PPP2R3A: variants seen among roughly 807,000 people sequenced by gnomAD.
The protein encoded by PPP2R3A is serine/threonine-protein phosphatase 2A regulatory subunit B'' subunit alpha.
A neutral mutation model predicts 106.9 loss-of-function variants in PPP2R3A; 80 were observed. The observed-to-expected ratio is 0.75, with a 90% CI of 0.62 to 0.90. The LOEUF is 0.90. Among genes scored for constraint, PPP2R3A ranks in the 40% least tolerant of loss-of-function variants. The pLI is 0.00. For missense variants in PPP2R3A, 1,386 were observed against 1,350.4 expected, an observed-to-expected ratio of 1.03 and a Z score of -0.41; for synonymous variants, 483 against 468.3, an observed-to-expected ratio of 1.03 and a Z score of -0.41.
chr3:136,042,500 A>T (rs1344932592), intron 4 of PPP2R3A, among the ~76,000 whole-genome samples: 1 of 152,230 alleles, frequency 6.6e-6, no homozygotes, highest in African/African-American at 2.4e-5. Flanking sequence ...ACTTAAAAAT[A>T]AAAAAATTTT....
rs1175049786 is a variant in PPP2R3A at position 136,145,225 on chromosome 3, A to G, written c.*59A>G. On this transcript the variant is annotated 3_prime_UTR_variant, in exon 14 of 14. Transcript: ENST00000264977. ...TTTTAAATGTTTCTTTCTTGTGAAG[A>G]GATGTTCTCGTTTGCATACTGCTTT... 6.4e-7 allele frequency: 1 copy of G among 1,551,590 alleles called. No homozygotes were observed. Among genetic ancestry groups the G allele is most frequent in the African/African-American group, 1.4e-5 (1 of 72,456 alleles).
At chr3:136,091,807 A>C (rs1937099261) in intron 10 of PPP2R3A, among the ~76,000 whole-genome samples, 1 of 152,188 alleles carries the variant, frequency 6.6e-6, no homozygotes. Flanking sequence ...CCCAGAAAAA[A>C]ATATTAAAAG....
At chr3:136,036,412 C>A (rs569704697) in intron 3 of PPP2R3A, among the ~76,000 whole-genome samples, 35 of 152,202 alleles carry the variant, frequency 2.3e-4, no homozygotes, top group Admixed American at 2.3e-3. Flanking sequence ...ACAGGGTGTT[C>A]CCTTGATTTA....
chr3:136,106,305 A>G lies in PPP2R3A; in HGVS notation c.3312A>G (p.Gln1104=). The G allele has an allele frequency of 2.5e-6, 4 of 1,614,068 alleles. No homozygotes were observed. The highest frequency in any genetic ancestry group is 3.4e-6 in the Non-Finnish European group (4 of 1,179,944). The change falls in exon 13 of 14, where the codon CAA becomes CAG. Residue 1104 remains glutamine, a synonymous_variant. Coordinates refer to ENST00000264977, the MANE Select transcript of PPP2R3A (RefSeq NM_002718.5). ...CGCTTGTTGCAGAGGAATCTGCCCA[A>G]GCACAATTCCAGGAAGGGTGAGTAA... is the stretch of plus-strand genomic sequence containing the variant. ...YETLVAEESA[Q]AQFQEGFEDY...
chr3:136,010,372 T>C (rs1934014940), intron 2 of PPP2R3A, among the ~76,000 whole-genome samples: 1 of 138,166 alleles, frequency 7.2e-6, no homozygotes, highest in Non-Finnish European at 1.5e-5. Context: ...TGCCTCAGCC[T>C]CCCGAGCAGC....
At chr3:135,966,741 T>G (rs936483943) in intron 1 of PPP2R3A, among the ~76,000 whole-genome samples, 12 of 152,294 alleles carry the variant, frequency 7.9e-5, no homozygotes, top group African/African-American at 2.9e-4. Context: ...CCTGAAAACA[T>G]TAAATTCTTA....
intron 13 of PPP2R3A, among the ~76,000 whole-genome samples, chr3:136,110,876 A>G (rs1393523231): frequency 6.6e-6 from 1 of 152,242 alleles, no homozygotes; most frequent in Admixed American, 6.5e-5. Context: ...TACGAAAGAT[A>G]GGAAAGGTCT....
At chr3:136,108,453 G>GA (rs1202147596) in intron 13 of PPP2R3A, among the ~76,000 whole-genome samples, 1 of 152,070 alleles carries the variant, frequency 6.6e-6, no homozygotes, top group African/African-American at 2.4e-5. Context: ...GTATCCAAAA[G>GA]AAAATTAGGT....
chr3:136,049,836 A>G (rs900394484), intron 5 of PPP2R3A, among the ~76,000 whole-genome samples: 6 of 152,230 alleles, frequency 3.9e-5, no homozygotes, highest in Admixed American at 3.9e-4. Context: ...ATTTAAGTAC[A>G]GTTTTTAAAT....
At chr3:136,112,768 C>T (rs544688096) in intron 13 of PPP2R3A, among the ~76,000 whole-genome samples, 1 of 152,278 alleles carries the variant, frequency 6.6e-6, no homozygotes, top group East Asian at 1.9e-4. Flanking sequence ...CCAAAGCAAT[C>T]TACAGATTCA....
chr3:136,072,317 C>A (rs1324366663), intron 6 of PPP2R3A, among the ~76,000 whole-genome samples: 2 of 152,180 alleles, frequency 1.3e-5, no homozygotes, highest in Admixed American at 6.5e-5. Context: ...CTAGGCCAGG[C>A]ACAGTGACTC....
rs1211421522 is a variant in PPP2R3A at position 136,002,740 on chromosome 3, T to C, written c.1242T>C (p.Thr414=). Residue 414 remains threonine (T), a synonymous_variant, in exon 2 of 14, where the codon ACT becomes ACC. Transcript: ENST00000264977. ...TTTCTTCTGACGACTTAATGGAAACTCTTTATATTGAAGAAGAGTCAGATG... is the reference window on the plus strand; with the variant it reads ...TTTCTTCTGACGACTTAATGGAAACCCTTTATATTGAAGAAGAGTCAGATG... The part of the protein sequence containing the change: ...ENVSSDDLME[T]LYIEEESDGK... 6.2e-7 allele frequency: 1 copy of C among 1,612,760 alleles called. No individual in the cohort carries two copies. The highest frequency in any genetic ancestry group is 8.5e-7 in the Non-Finnish European group (1 of 1,179,566).
intron 1 of PPP2R3A, among the ~76,000 whole-genome samples, chr3:135,968,749 T>G (rs1937161742): frequency 6.6e-6 from 1 of 152,240 alleles, no homozygotes; most frequent in African/African-American, 2.4e-5. Context: ...GTTTTGTATA[T>G]CATTGTAGAC....
intron 2 of PPP2R3A, among the ~76,000 whole-genome samples, chr3:136,012,596 T>C (rs753334122): frequency 6.6e-6 from 1 of 151,826 alleles, no homozygotes; most frequent in Non-Finnish European, 1.5e-5. Flanking sequence ...AGTGTTTCAT[T>C]ATTTAAGAGT....
intron 4 of PPP2R3A, among the ~76,000 whole-genome samples, chr3:136,043,391 G>A (rs1353984421): frequency 6.6e-6 from 1 of 152,078 alleles, no homozygotes; most frequent in Admixed American, 6.5e-5. Context: ...CCCAGGAGGC[G>A]GAGCTTGCAG....
chr3:136,132,645 T>C (rs1256721731), intron 13 of PPP2R3A, among the ~76,000 whole-genome samples: 1 of 151,862 alleles, frequency 6.6e-6, no homozygotes, highest in Admixed American at 6.6e-5. Flanking sequence ...ACTGGAAAGA[T>C]TAGAAGGCTC....
chr3:136,124,213 G>C (rs1352552476), intron 13 of PPP2R3A, among the ~76,000 whole-genome samples: 1 of 152,098 alleles, frequency 6.6e-6, no homozygotes, highest in Non-Finnish European at 1.5e-5. Flanking sequence ...GGATGGACTG[G>C]GCACAGTGGC....
chr3:136,041,250 G>GTTTTTTTTTTTTTTTTTTTTTTTTTTTGT (rs1246326384), intron 4 of PPP2R3A, among the ~76,000 whole-genome samples: 2 of 56,590 alleles, frequency 3.5e-5, no homozygotes, highest in African/African-American at 1.2e-4. Flanking sequence ...TTTTTTTTTT[G>GTTTTTTTTTTTTTTTTTTTTTTTTTTTGT]TTTTTTTTTT....
intron 3 of PPP2R3A, among the ~76,000 whole-genome samples, chr3:136,037,123 G>A (rs1462616902): frequency 2.0e-5 from 3 of 152,172 alleles, no homozygotes; most frequent in Non-Finnish European, 2.9e-5. Context: ...TGAGTTTGCC[G>A]CTTACTCTTA....
Sources: allele counts gnomAD v4.1 joint callset (sites outside exome capture counted in the v4.1 genomes callset), GRCh38; gene constraint gnomAD v4.1.1; transcripts MANE v1.5; gene names NCBI Gene and HGNC (gene_info 2026-07-23, HGNC 2026-07-21).